Variants in FAM199X observed in about 807,000 individuals in gnomAD.
The protein encoded by FAM199X is family with sequence similarity 199, X-linked.
Under a neutral mutation model 22.9 loss-of-function variants are expected in FAM199X, and 4 were observed. The observed-to-expected ratio is 0.17, with a 90% CI of 0.09 to 0.40. The LOEUF is 0.40. Ranked by LOEUF, FAM199X falls within the 10% of genes least tolerant of loss-of-function variation. FAM199X has a pLI of 1.00. For missense variants in FAM199X, 183 were observed against 306.8 expected (o/e 0.60, Z 3.01); for synonymous variants, 101 against 112.3 (o/e 0.90, Z 0.64).
rs932845970 is a variant in FAM199X at position 104,192,186 on chromosome X, T to C, written c.*2408T>C. 14 of 111,972 alleles carry C rather than the reference T, an allele frequency of 1.3e-4. No individual in the cohort carries two copies. The highest frequency in any genetic ancestry group is 1.9e-5 in the Non-Finnish European group (1 of 53,034). The allele number at this position is 111,972 out of a possible 1,213,427, so 9.2% of individuals were successfully genotyped here. On this transcript the variant is annotated 3_prime_UTR_variant, in exon 6 of 6. Transcript: ENST00000493442. ...AGCTCTTTGGTGTCTGTTCATGTGC[T>C]GTACATTTTTTCCGTTTTAATGTCT...
intron 1 of FAM199X, among the ~76,000 whole-genome samples, chrX:104,171,468 G>A (rs1244280240): frequency 9.0e-6 from 1 of 111,660 alleles, no homozygotes; most frequent in Admixed American, 9.5e-5. Context: ...ATAGTTTAGT[G>A]CTGAGCACAC....
intron 3 of FAM199X, 48 bp downstream of exon 3, chrX:104,186,263 G>T (rs1206018858): frequency 2.6e-6 from 3 of 1,159,929 alleles, no homozygotes; most frequent in Non-Finnish European, 3.5e-6. Context: ...TGGAGACTAG[G>T]TAAAGCTCAG....
chrX:104,166,474 T>TGGGCG lies in FAM199X; in HGVS notation c.-304_-300dup, dbSNP rs1283525339. On this transcript the variant is annotated 5_prime_UTR_variant, in exon 1 of 6. Transcript: ENST00000493442. Reference sequence around the variant, plus strand: ...CTGCAGTCGCAAGCGGCGAGCGCAGTGGGCGGGGCGGGCCTGGCCGGGCCG... The same window carrying TGGGCG: ...CTGCAGTCGCAAGCGGCGAGCGCAGTGGGCGGGGCGGGGCGGGCCTGGCCGGGCCG... The TGGGCG allele has an allele frequency of 1.3e-5, 2 of 149,625 alleles. No individual in the cohort carries two copies. The highest frequency in any genetic ancestry group is 2.7e-3 in the Middle Eastern group (1 of 377). The allele number at this position is 149,625 out of a possible 1,213,427, so 12.3% of individuals were successfully genotyped here.
At chrX:104,167,901 G>A (rs952397464) in intron 1 of FAM199X, among the ~76,000 whole-genome samples, 9 of 109,492 alleles carry the variant, frequency 8.2e-5, no homozygotes, top group African/African-American at 3.0e-4. Context: ...AGGGCTGGGG[G>A]GGTGTGTGGT....
chrX:104,167,033 C>G, intron 1 of FAM199X, 51 bp downstream of exon 1: 1 of 1,042,879 alleles, frequency 9.6e-7, no homozygotes, highest in Non-Finnish European at 1.3e-6. Context: ...CTGGTCGCCC[C>G]CCGCTCCTGA....
chrX:104,176,771 A>G (rs1921501960), intron 2 of FAM199X, among the ~76,000 whole-genome samples: 1 of 111,756 alleles, frequency 8.9e-6, no homozygotes, highest in Non-Finnish European at 1.9e-5. Context: ...CAGCTAACAC[A>G]TCTCATTCTT....
chrX:104,176,026 T>A (rs1921481541), intron 2 of FAM199X, among the ~76,000 whole-genome samples, 184 bp downstream of exon 2: 1 of 112,111 alleles, frequency 8.9e-6, no homozygotes, highest in Non-Finnish European at 1.9e-5. Context: ...TAATGTACCT[T>A]TTTGATGCTA....
rs1406283263 is a variant in FAM199X, at chrX:104,194,423, G to A, written c.*4645G>A. ...AAGTTAACACTTAATATTCTAAATT[G>A]TTCTAAGGAACAGTGGCCTGAAGCC... On this transcript the variant is annotated 3_prime_UTR_variant, in exon 6 of 6. Transcript: ENST00000493442. 1 of 112,180 alleles carries A rather than the reference G, an allele frequency of 8.9e-6. No individual in the cohort carries two copies. The highest frequency in any genetic ancestry group is 1.9e-5 in the Non-Finnish European group (1 of 53,115). 9.2% of individuals were successfully genotyped at this position (112,180 alleles called of 1,213,427 possible). A position where few individuals can be genotyped will look rare whatever the true frequency, so the allele number is the denominator to read the frequency against.
At chrX:104,166,417 C>T (rs985749740), upstream of FAM199X, among the ~76,000 whole-genome samples, 2 of 111,602 alleles carry the variant, frequency 1.8e-5, no homozygotes, top group Admixed American at 1.9e-4. Context: ...TTCCCGCCGC[C>T]CTTCCCCTCC....
chrX:104,176,767 A>G (rs782273068), intron 2 of FAM199X, among the ~76,000 whole-genome samples: 67 of 111,785 alleles, frequency 6.0e-4, no homozygotes, highest in Non-Finnish European at 9.6e-4. Context: ...TTTTCAGCTA[A>G]CACATCTCAT....
rs1223567419 is a variant in FAM199X, at chrX:104,173,406, G to A, written c.198-2217G>A. ...ACTTTCTATTTACTGAATTATAATA[G>A]TGTGTGTGTGTTTCAGTGTTTTAAA... On this transcript the variant is annotated intron_variant, in intron 1 of 5. Coordinates refer to ENST00000493442, the MANE Select transcript of FAM199X (RefSeq NM_207318.4). 2.7e-5 allele frequency among the ~76,000 whole-genome samples: 3 copies of A among 111,149 alleles called. No homozygotes were observed. The East Asian group carries it at 8.4e-4, about 31-fold the overall frequency.
In FAM199X at chrX:104,192,602, T is replaced by C. The variant is rs894405718; in HGVS notation, c.*2824T>C. 1 of 111,897 alleles carries C rather than the reference T, an allele frequency of 8.9e-6. No homozygotes were observed. 9.2% of individuals were successfully genotyped at this position (111,897 alleles called of 1,213,427 possible). A position where few individuals can be genotyped will look rare whatever the true frequency, so the allele number is the denominator to read the frequency against. On this transcript the variant is annotated 3_prime_UTR_variant, in exon 6 of 6. Transcript: ENST00000493442. ...TGACATATATAATATTTTTCTATAG[T>C]TTTGCAACTGAATTAAAGGAAGGTG...
Position 104,189,999 on chromosome X carries a change from A to G in FAM199X, c.*221A>G, listed in dbSNP as rs1288276721. ...TGGGCCCCGCCCCCAGACATAGTGA[A>G]TCAGAAACCAACAGGGAGGCGCCTA... On this transcript the variant is annotated 3_prime_UTR_variant, in exon 6 of 6. Transcript: ENST00000493442. The G allele has an allele frequency of 2.7e-6, 1 of 365,107 alleles. No individual in the cohort carries two copies. The highest frequency in any genetic ancestry group is 4.7e-6 in the Non-Finnish European group (1 of 213,559). The allele number at this position is 365,107 out of a possible 1,213,427, so 30.1% of individuals were successfully genotyped here.
At chrX:104,160,606 A>T in the FAM199X span, among the ~76,000 whole-genome samples, 1 of 112,618 alleles carries the variant, frequency 8.9e-6, no homozygotes, top group Non-Finnish European at 1.9e-5. Context: ...AAAGAAAAAG[A>T]AACAACAACA....
rs782413429 is a variant in FAM199X at position 104,192,750 on chromosome X, T to G, written c.*2972T>G. 167 of 111,278 alleles carry G rather than the reference T, an allele frequency of 1.5e-3. No individual in the cohort carries two copies. Among genetic ancestry groups the G allele is most frequent in the African/African-American group, 5.2e-3 (159 of 30,812 alleles). The allele number at this position is 111,278 out of a possible 1,213,427, so 9.2% of individuals were successfully genotyped here. A position where few individuals can be genotyped will look rare whatever the true frequency, so the allele number is the denominator to read the frequency against. ...CATTTTTGTTAGGCTATGGCAGTTT[T>G]GTCCAGTTCCTCTGTCCCTTGAGTG... On this transcript the variant is annotated 3_prime_UTR_variant, in exon 6 of 6. Coordinates refer to ENST00000493442, the MANE Select transcript of FAM199X (RefSeq NM_207318.4).
At chrX:104,170,436 A>G (rs1352819538) in intron 1 of FAM199X, among the ~76,000 whole-genome samples, 5 of 111,559 alleles carry the variant, frequency 4.5e-5, no homozygotes, top group African/African-American at 1.6e-4. Flanking sequence ...TTTGGGAGTA[A>G]TCAGTAGAAG....
At chrX:104,176,837 T>C (rs782749295) in intron 2 of FAM199X, among the ~76,000 whole-genome samples, 1 of 112,022 alleles carries the variant, frequency 8.9e-6, no homozygotes. Context: ...GCTATTTCGG[T>C]TGGTTTCAGT....
At chrX:104,173,345 A>AT (rs1306213299) in intron 1 of FAM199X, among the ~76,000 whole-genome samples, 1 of 111,375 alleles carries the variant, frequency 9.0e-6, no homozygotes, top group Admixed American at 9.5e-5. Flanking sequence ...GATGAATTTT[A>AT]TTTTTTTTAC....
At chrX:104,184,200 C>T (rs953792247) in intron 2 of FAM199X, among the ~76,000 whole-genome samples, 1 of 112,181 alleles carries the variant, frequency 8.9e-6, no homozygotes, top group Non-Finnish European at 1.9e-5. Flanking sequence ...CTTTGAATCC[C>T]CTGTACCTAT....
Sources: allele counts gnomAD v4.1 joint callset (sites outside exome capture counted in the v4.1 genomes callset), GRCh38; gene constraint gnomAD v4.1.1; transcripts MANE v1.5; gene names NCBI Gene and HGNC (gene_info 2026-07-23, HGNC 2026-07-21).